CNTNAP2: variants seen among roughly 807,000 people sequenced by gnomAD.
CNTNAP2 encodes the protein contactin-associated protein-like 2.
CNTNAP2 carries 98 observed loss-of-function variants against 155.2 expected under a neutral mutation model. The observed-to-expected ratio is 0.63, with a 90% confidence interval of 0.54 to 0.75. CNTNAP2 has a LOEUF of 0.75. Among genes scored for constraint, CNTNAP2 ranks in the 30% least tolerant of loss-of-function variants. The probability of loss-of-function intolerance (pLI) is 0.00; values close to 1 mark genes in which losing one functional copy is unlikely to be tolerated. For synonymous variants in CNTNAP2, 651 were observed against 631.2 expected (o/e 1.03, Z -0.47); for missense variants, 1,727 against 1,688.1 (o/e 1.02, Z -0.40).
intron 1 of CNTNAP2, among the ~76,000 whole-genome samples, chr7:146,671,102 C>T (rs965518449): frequency 1.3e-5 from 2 of 152,158 alleles, no homozygotes; most frequent in Non-Finnish European, 2.9e-5. Flanking sequence ...CAACCCTTCT[C>T]TCTAGAAATG....
At chr7:148,245,766 A>C (rs1796250362) in intron 20 of CNTNAP2, among the ~76,000 whole-genome samples, 1 of 152,156 alleles carries the variant, frequency 6.6e-6, no homozygotes, top group Non-Finnish European at 1.5e-5. Context: ...CAATTGTGTT[A>C]GAGCCTTAAT....
At chr7:146,715,503 CT>C (rs1189764539) in intron 1 of CNTNAP2, among the ~76,000 whole-genome samples, 1 of 128,784 alleles carries the variant, frequency 7.8e-6, no homozygotes. Context: ...CCTAATCCAG[CT>C]GGACCTCTAC....
rs554753773 is a variant in CNTNAP2, at chr7:147,737,628, GAGGC to G, written c.2098+98331_2098+98334del. ...CCTGCCCCCAGAGGTGGAGTCTACA[GAGGC>G]AGGCAGGCCTTCTTGAGCTGCAGTG... On this transcript the variant is annotated intron_variant, in intron 13 of 23. Coordinates refer to ENST00000361727, the MANE Select transcript of CNTNAP2 (RefSeq NM_014141.6). 1.8e-4 allele frequency among the ~76,000 whole-genome samples: 27 copies of G among 152,342 alleles called. No homozygotes were observed. The East Asian group carries it at 5.0e-3, about 28-fold the overall frequency.
At chr7:147,341,363 A>G (rs1380407583) in intron 9 of CNTNAP2, among the ~76,000 whole-genome samples, 1 of 152,018 alleles carries the variant, frequency 6.6e-6, no homozygotes, top group Non-Finnish European at 1.5e-5. Context: ...GATGCAGCAA[A>G]CCAACATGGC....
chr7:146,572,861 C>G (rs1313730574), intron 1 of CNTNAP2, among the ~76,000 whole-genome samples: 6 of 151,704 alleles, frequency 4.0e-5, no homozygotes, highest in Admixed American at 3.9e-4. Context: ...GAGTTAGTGT[C>G]AGGGGTAAAA....
chr7:147,363,444 G>A (rs1327449556), intron 9 of CNTNAP2, among the ~76,000 whole-genome samples: 6 of 152,130 alleles, frequency 3.9e-5, no homozygotes, highest in East Asian at 1.9e-4. Flanking sequence ...TTGTCACCCC[G>A]TATAAAGACA....
chr7:147,636,575 T>C (rs1795184360), intron 12 of CNTNAP2, among the ~76,000 whole-genome samples: 1 of 152,166 alleles, frequency 6.6e-6, no homozygotes, highest in Admixed American at 6.5e-5. Context: ...GTATTTGTCC[T>C]AATGCTCTCC....
intron 13 of CNTNAP2, among the ~76,000 whole-genome samples, chr7:147,789,518 T>C (rs1425308147): frequency 1.3e-5 from 2 of 152,350 alleles, no homozygotes; most frequent in Middle Eastern, 3.4e-3. Flanking sequence ...CACAGGTGAA[T>C]GTACTGACAG....
At chr7:146,234,961 G>T (rs1209009573) in intron 1 of CNTNAP2, among the ~76,000 whole-genome samples, 1 of 152,134 alleles carries the variant, frequency 6.6e-6, no homozygotes, top group African/African-American at 2.4e-5. Context: ...ATTCCTTGGA[G>T]AGGTGGATCC....
At chr7:148,232,555 A>G (rs1207190352) in intron 20 of CNTNAP2, among the ~76,000 whole-genome samples, 1 of 152,252 alleles carries the variant, frequency 6.6e-6, no homozygotes, top group East Asian at 1.9e-4. Context: ...AAACAGCCAT[A>G]TATTCTCAAC....
chr7:147,020,000 G>T (rs200743334), intron 3 of CNTNAP2, among the ~76,000 whole-genome samples: 2 of 60,402 alleles, frequency 3.3e-5, no homozygotes, highest in African/African-American at 1.3e-4. Flanking sequence ...GATATAGTAT[G>T]GTATGGTATG....
At chr7:146,763,668 A>G (rs1191852752) in intron 1 of CNTNAP2, among the ~76,000 whole-genome samples, 1 of 152,194 alleles carries the variant, frequency 6.6e-6, no homozygotes, top group African/African-American at 2.4e-5. Flanking sequence ...AATGAAAGTC[A>G]ACAATTATCT....
chr7:146,454,107 T>C (rs374383561), intron 1 of CNTNAP2, among the ~76,000 whole-genome samples: 2 of 152,178 alleles, frequency 1.3e-5, no homozygotes, highest in African/African-American at 4.8e-5. Context: ...AAGATAAAAT[T>C]TTAAAGTTAT....
chr7:146,979,237 G>A (rs73740559), intron 3 of CNTNAP2, among the ~76,000 whole-genome samples: 2,775 of 152,066 alleles, frequency 0.018, 73 homozygotes, highest in African/African-American at 0.063. Flanking sequence ...CCTTCCCATA[G>A]CCTGTTCCCT....
At chr7:148,236,552 T>C (rs1332251548) in intron 20 of CNTNAP2, among the ~76,000 whole-genome samples, 1 of 152,208 alleles carries the variant, frequency 6.6e-6, no homozygotes, top group Non-Finnish European at 1.5e-5. Flanking sequence ...TTTGAAGAAC[T>C]TTCCTTAAAG....
chr7:148,278,921 G>A (rs1245686093), intron 21 of CNTNAP2, among the ~76,000 whole-genome samples: 1 of 152,178 alleles, frequency 6.6e-6, no homozygotes. Context: ...AGCCTTCCAG[G>A]AAGAGAGAAT....
intron 3 of CNTNAP2, among the ~76,000 whole-genome samples, chr7:146,946,094 CT>C (rs1357875723): frequency 2.3e-4 from 34 of 147,838 alleles, no homozygotes; most frequent in African/African-American, 8.1e-4. Flanking sequence ...TCCTTCCTTC[CT>C]TTCCTTCTTT....
intron 2 of CNTNAP2, among the ~76,000 whole-genome samples, chr7:146,819,438 A>G (rs1265419747): frequency 1.3e-5 from 2 of 152,176 alleles, no homozygotes; most frequent in Non-Finnish European, 2.9e-5. Flanking sequence ...GGCTACCACA[A>G]TGCCACACAC....
intron 9 of CNTNAP2, among the ~76,000 whole-genome samples, chr7:147,349,751 A>G (rs529491246): frequency 6.6e-6 from 1 of 152,044 alleles, no homozygotes; most frequent in Non-Finnish European, 1.5e-5. Context: ...CATATGTACT[A>G]CCCTACCATT....
Sources: allele counts gnomAD v4.1 joint callset (sites outside exome capture counted in the v4.1 genomes callset), GRCh38; gene constraint gnomAD v4.1.1; transcripts MANE v1.5; gene names NCBI Gene and HGNC (gene_info 2026-07-23, HGNC 2026-07-21).